GTF2I: variants seen among roughly 807,000 people sequenced by gnomAD.
GTF2I encodes the protein general transcription factor II-I.
A neutral mutation model predicts 67.6 loss-of-function variants in GTF2I; 12 were observed. The observed-to-expected ratio is 0.18, with a 90% CI of 0.11 to 0.29. The LOEUF (loss-of-function observed/expected upper bound fraction) is 0.29, where lower values mean the gene tolerates loss of function less well. Ranked by LOEUF, GTF2I falls within the 10% of genes least tolerant of loss-of-function variation. The probability of loss-of-function intolerance (pLI) is 1.00; values close to 1 mark genes in which losing one functional copy is unlikely to be tolerated. For synonymous variants in GTF2I, 149 were observed against 197.0 expected (o/e 0.76, Z 2.04); for missense variants, 271 against 580.1 (o/e 0.47, Z 5.47).
chr7:74,678,095 C>A (rs930800007), intron 1 of GTF2I, among the ~76,000 whole-genome samples: 1 of 152,058 alleles, frequency 6.6e-6, no homozygotes, highest in South Asian at 2.1e-4. Flanking sequence ...TACTCTGTCA[C>A]CCAGGCTGGA....
intron 17 of GTF2I, 123 bp downstream of exon 17, chr7:74,735,655 G>GT (rs373396565): frequency 0.18 from 49,418 of 275,858 alleles, 363 homozygotes; most frequent in South Asian, 0.24. Context: ...AGTTTTCCCT[G>GT]TTTTTTTTTT....
At chr7:74,753,396 G>A (rs1484650902) in intron 29 of GTF2I, among the ~76,000 whole-genome samples, 1 of 152,166 alleles carries the variant, frequency 6.6e-6, no homozygotes, top group Non-Finnish European at 1.5e-5. Flanking sequence ...TCACCATCTG[G>A]CAGTGTGGCT....
At position 74,682,390 on chromosome 7, in the gene GTF2I, A is replaced by G. The variant is rs112946314; in HGVS notation, c.-5-6734A>G. 5.8e-3 allele frequency among the ~76,000 whole-genome samples: 878 copies of G among 152,330 alleles called. 10 individuals are homozygous for G. The highest frequency in any genetic ancestry group is 0.02 in the African/African-American group (829 of 41,594). ...TGAAGGGCTGGGTTATGGGAACTCA[A>G]TTGACAGAAGTGAGAATTACTCTTG... On this transcript the variant is annotated intron_variant, in intron 1 of 34. Coordinates refer to ENST00000573035, the MANE Select transcript of GTF2I (RefSeq NM_032999.4).
chr7:74,669,684 C>A (rs1191056782), intron 1 of GTF2I, among the ~76,000 whole-genome samples: 2 of 151,880 alleles, frequency 1.3e-5, no homozygotes, highest in African/African-American at 4.8e-5. Flanking sequence ...CAGGTGCACG[C>A]CACCATGCCC....
At chr7:74,672,691 G>C (rs1805563922) in intron 1 of GTF2I, among the ~76,000 whole-genome samples, 1 of 152,124 alleles carries the variant, frequency 6.6e-6, no homozygotes, top group Non-Finnish European at 1.5e-5. Context: ...CAGAAGTCCT[G>C]CCTATTCCAG....
intron 1 of GTF2I, among the ~76,000 whole-genome samples, chr7:74,681,693 A>G (rs983214603): frequency 2.0e-5 from 3 of 152,194 alleles, no homozygotes; most frequent in Non-Finnish European, 4.4e-5. Context: ...AGACGGATCA[A>G]CTGAGATCAG....
At chr7:74,737,573 A>G (rs1247468086) in intron 18 of GTF2I, among the ~76,000 whole-genome samples, 12 of 130,698 alleles carry the variant, frequency 9.2e-5, no homozygotes, top group African/African-American at 3.3e-4. Flanking sequence ...TTGATTTTGA[A>G]GGATAACACA....
intron 1 of GTF2I, among the ~76,000 whole-genome samples, chr7:74,680,954 G>A (rs888858191): frequency 1.1e-4 from 17 of 152,184 alleles, no homozygotes; most frequent in African/African-American, 3.9e-4. Flanking sequence ...ACAATGGCTA[G>A]AGTCTTGTTT....
At chr7:74,729,454 A>G (rs1794240097) in intron 13 of GTF2I, among the ~76,000 whole-genome samples, 1 of 151,134 alleles carries the variant, frequency 6.6e-6, no homozygotes, top group African/African-American at 2.4e-5. Context: ...CTTTTTAAAT[A>G]TGTTTTTGTT....
At chr7:74,732,732 A>G in intron 15 of GTF2I, 70 bp downstream of exon 15, 1 of 1,537,172 alleles carries the variant, frequency 6.5e-7, no homozygotes, top group Non-Finnish European at 8.7e-7. Flanking sequence ...ATTGTTGACC[A>G]ATATTCATTC....
intron 8 of GTF2I, among the ~76,000 whole-genome samples, chr7:74,709,738 T>G (rs1187445465): frequency 2.0e-5 from 3 of 151,868 alleles, no homozygotes; most frequent in African/African-American, 7.3e-5. Flanking sequence ...AGTGGTACCA[T>G]CTCCGCTCAC....
rs1189342693 is a variant in GTF2I, at chr7:74,720,584, GA to G, written c.943+1650del. 2.0e-5 allele frequency among the ~76,000 whole-genome samples: 3 copies of G among 151,884 alleles called. 1 individual carries two copies. The highest frequency in any genetic ancestry group is 4.1e-4 in the South Asian group (2 of 4,820). On this transcript the variant is annotated intron_variant, in intron 12 of 34. Transcript: ENST00000573035. ...TTTTAGTGAGAAACCTCATTAACAG[GA>G]AAAAAACTTAAGAACATACAAATAT... is the stretch of plus-strand genomic sequence containing the variant.
At chr7:74,702,979 C>T (rs1290761054) in intron 6 of GTF2I, among the ~76,000 whole-genome samples, 3 of 151,984 alleles carry the variant, frequency 2.0e-5, no homozygotes, top group African/African-American at 4.8e-5. Flanking sequence ...TCAAGTGATC[C>T]GCCTGTGTCA....
chr7:74,701,051 T>C (rs1554399757), intron 6 of GTF2I, among the ~76,000 whole-genome samples: 1 of 152,170 alleles, frequency 6.6e-6, no homozygotes, highest in African/African-American at 2.4e-5. Context: ...GCAAGAACAT[T>C]GCATCCCTAC....
intron 12 of GTF2I, among the ~76,000 whole-genome samples, chr7:74,725,985 C>T (rs1419179440): frequency 6.6e-6 from 1 of 152,114 alleles, no homozygotes; most frequent in Non-Finnish European, 1.5e-5. Context: ...TTCCCTTCCC[C>T]TGGGCCTCAG....
chr7:74,745,040 G>GT (rs1302941146), intron 21 of GTF2I, 99 bp downstream of exon 21: 13 of 35,734 alleles, frequency 3.6e-4, no homozygotes, highest in African/African-American at 1.3e-3. Flanking sequence ...AGGCGTGGCT[G>GT]TAAGTCCTTG....
At chr7:74,715,195 G>C (rs1159488240) in intron 10 of GTF2I, among the ~76,000 whole-genome samples, 1 of 151,984 alleles carries the variant, frequency 6.6e-6, no homozygotes, top group African/African-American at 2.4e-5. Context: ...CCTTATCTCA[G>C]AACAGTCAGA....
intron 12 of GTF2I, among the ~76,000 whole-genome samples, chr7:74,722,457 A>G (rs372687893): frequency 9.2e-5 from 14 of 152,136 alleles, no homozygotes; most frequent in African/African-American, 3.4e-4. Flanking sequence ...TCTAGCTGTC[A>G]TGGGAGTGCT....
At chr7:74,693,303 G>A (rs1364457833) in intron 3 of GTF2I, among the ~76,000 whole-genome samples, 6 of 128,652 alleles carry the variant, frequency 4.7e-5, no homozygotes, top group Non-Finnish European at 9.9e-5. Flanking sequence ...TGAGATGGAG[G>A]TTTGCTCCGT....
Sources: gnomAD v4.1 joint callset for allele counts (sites outside exome capture counted in the v4.1 genomes callset) on GRCh38, gnomAD v4.1.1 for gene constraint, MANE v1.5 for transcripts, NCBI Gene and HGNC (gene_info 2026-07-23, HGNC 2026-07-21) for gene names.